The following KCNJ6 variants were observed in gnomAD, a reference collection of about 807,000 sequenced individuals.
KCNJ6 encodes G protein-activated inward rectifier potassium channel 2.
KCNJ6 carries 9 observed loss-of-function variants against 34.2 expected under a neutral mutation model. That is an observed-to-expected ratio of 0.26 (90% CI 0.16 to 0.46). The LOEUF is 0.46. Among genes scored for constraint, KCNJ6 ranks in the 20% least tolerant of loss-of-function variants. KCNJ6 has a pLI of 1.00. For missense variants in KCNJ6, 236 were observed against 531.3 expected, an observed-to-expected ratio of 0.44 and a Z score of 5.46; for synonymous variants, 196 against 207.1, an observed-to-expected ratio of 0.95 and a Z score of 0.46.
intron 2 of KCNJ6, among the ~76,000 whole-genome samples, chr21:37,815,409 G>A (rs552448432): frequency 7.2e-5 from 11 of 152,230 alleles, no homozygotes; most frequent in East Asian, 5.8e-4. Context: ...ATGTACCCAC[G>A]AAAATTAAAA....
intron 2 of KCNJ6, among the ~76,000 whole-genome samples, chr21:37,773,510 C>A (rs1171125028): frequency 1.3e-5 from 2 of 152,134 alleles, no homozygotes; most frequent in Non-Finnish European, 2.9e-5. Flanking sequence ...CCCTCCCCTT[C>A]ACCTCCCCCT....
chr21:37,669,990 A>C (rs1035287468), intron 3 of KCNJ6, among the ~76,000 whole-genome samples: 2 of 152,200 alleles, frequency 1.3e-5, no homozygotes, highest in African/African-American at 4.8e-5. Context: ...AAAGAGTCTT[A>C]CAGCTTTTGC....
chr21:37,869,706 G>T (rs1271375496), intron 1 of KCNJ6, among the ~76,000 whole-genome samples: 6 of 152,196 alleles, frequency 3.9e-5, no homozygotes, highest in Non-Finnish European at 8.8e-5. Context: ...ATCCTTGAAT[G>T]ATTTAATTCC....
Position 37,611,491 on chromosome 21 carries a change from C to G in KCNJ6, c.*13668G>C, listed in dbSNP as rs566312910. Reference sequence around the variant, plus strand: ...CAGAGAGAACACTTGCTAACTCATTCTATGAATCCAGCATCACCTTAATAC... The same window carrying G: ...CAGAGAGAACACTTGCTAACTCATTGTATGAATCCAGCATCACCTTAATAC... On this transcript the variant is annotated 3_prime_UTR_variant, in exon 4 of 4. Coordinates refer to ENST00000609713, the MANE Select transcript of KCNJ6 (RefSeq NM_002240.5). 6.6e-6 allele frequency: 1 copy of G among 152,180 alleles called. No individual in the cohort carries two copies. The highest frequency in any genetic ancestry group is 1.5e-5 in the Non-Finnish European group (1 of 68,028). 9.4% of individuals were successfully genotyped at this position (152,180 alleles called of 1,614,324 possible). A position where few individuals can be genotyped will look rare whatever the true frequency, so the allele number is the denominator to read the frequency against.
At chr21:37,803,957 C>T (rs910217559) in intron 2 of KCNJ6, among the ~76,000 whole-genome samples, 1 of 152,106 alleles carries the variant, frequency 6.6e-6, no homozygotes, top group African/African-American at 2.4e-5. Context: ...TCGCTTCTAT[C>T]CAAGTCTCCC....
At chr21:37,865,197 G>A (rs562060723) in intron 1 of KCNJ6, among the ~76,000 whole-genome samples, 1 of 152,304 alleles carries the variant, frequency 6.6e-6, no homozygotes, top group South Asian at 2.1e-4. Flanking sequence ...ATTCAGATAT[G>A]CTGGGAATAA....
At chr21:37,791,857 TA>T (rs1243377088) in intron 2 of KCNJ6, among the ~76,000 whole-genome samples, 1 of 152,256 alleles carries the variant, frequency 6.6e-6, no homozygotes, top group Non-Finnish European at 1.5e-5. Flanking sequence ...TGCATTCATA[TA>T]ATTTGTAAAG....
At chr21:37,704,517 C>G (rs997926365) in intron 3 of KCNJ6, among the ~76,000 whole-genome samples, 8 of 152,292 alleles carry the variant, frequency 5.3e-5, no homozygotes, top group African/African-American at 1.4e-4. Flanking sequence ...ACTCATCAAG[C>G]CCTCCATTAT....
chr21:37,880,169 C>T (rs1448544377), intron 1 of KCNJ6, among the ~76,000 whole-genome samples: 4 of 151,838 alleles, frequency 2.6e-5, no homozygotes, highest in African/African-American at 4.8e-5. Flanking sequence ...CCCAGTTACT[C>T]GGGAGACTGA....
At chr21:37,649,985 C>A (rs984619536) in intron 3 of KCNJ6, among the ~76,000 whole-genome samples, 1 of 151,326 alleles carries the variant, frequency 6.6e-6, no homozygotes, top group Non-Finnish European at 1.5e-5. Flanking sequence ...GGATGGTCTC[C>A]ATCTCCTGAC....
chr21:37,661,075 C>A (rs1322572398), intron 3 of KCNJ6, among the ~76,000 whole-genome samples: 2 of 152,124 alleles, frequency 1.3e-5, no homozygotes, highest in African/African-American at 4.8e-5. Context: ...TTGCAAGGGT[C>A]TATTGAAATT....
chr21:37,780,793 C>T (rs534500490), intron 2 of KCNJ6, among the ~76,000 whole-genome samples: 16 of 152,084 alleles, frequency 1.1e-4, no homozygotes, highest in Admixed American at 5.2e-4. Flanking sequence ...TTGCATGATG[C>T]GATTATTATG....
intron 3 of KCNJ6, among the ~76,000 whole-genome samples, chr21:37,668,595 A>G (rs2054527776): frequency 6.6e-6 from 1 of 152,134 alleles, no homozygotes; most frequent in African/African-American, 2.4e-5. Context: ...ACATAGGCAG[A>G]TTGGGAGATA....
Position 37,625,105 on chromosome 21 carries a change from G to A in KCNJ6, c.*54C>T. On this transcript the variant is annotated 3_prime_UTR_variant, in exon 4 of 4. Coordinates refer to ENST00000609713, the MANE Select transcript of KCNJ6 (RefSeq NM_002240.5). ...AGACAGAAAAAGAAAGAGAATGAGA[G>A]ACAAGGAAAGATTGTGTTGGGGGGA... 1 of 1,223,460 alleles carries A rather than the reference G, an allele frequency of 8.2e-7. No individual in the cohort carries two copies. The highest frequency in any genetic ancestry group is 1.2e-6 in the Non-Finnish European group (1 of 850,640). 75.8% of individuals were successfully genotyped at this position (1,223,460 alleles called of 1,614,324 possible).
chr21:37,659,544 G>A (rs2054478855), intron 3 of KCNJ6, among the ~76,000 whole-genome samples: 1 of 152,246 alleles, frequency 6.6e-6, no homozygotes, highest in South Asian at 2.1e-4. Flanking sequence ...ACTAAAAGAG[G>A]GAAGGGCAGA....
chr21:37,720,322 A>G (rs1459453495), intron 2 of KCNJ6, among the ~76,000 whole-genome samples: 1 of 152,230 alleles, frequency 6.6e-6, no homozygotes, highest in East Asian at 1.9e-4. Context: ...GACAATTTAG[A>G]AACTGAGACA....
At position 37,624,079 on chromosome 21, in the gene KCNJ6, A is replaced by G. The variant is rs944749178; in HGVS notation, c.*1080T>C. The G allele has an allele frequency of 2.6e-5, 4 of 152,236 alleles. No homozygotes were observed. The highest frequency in any genetic ancestry group is 9.6e-5 in the African/African-American group (4 of 41,456). 9.4% of individuals were successfully genotyped at this position (152,236 alleles called of 1,614,324 possible). A position where few individuals can be genotyped will look rare whatever the true frequency, so the allele number is the denominator to read the frequency against. ...AAGTTTCCTAAATTATTGTACTACA[A>G]AGGGCAAGAGCTCATGTGAAAAGTA... On this transcript the variant is annotated 3_prime_UTR_variant, in exon 4 of 4. Coordinates refer to ENST00000609713, the MANE Select transcript of KCNJ6 (RefSeq NM_002240.5).
chr21:37,679,059 A>C (rs2054579514), intron 3 of KCNJ6, among the ~76,000 whole-genome samples: 1 of 152,204 alleles, frequency 6.6e-6, no homozygotes, highest in Admixed American at 6.5e-5. Flanking sequence ...GGGGAAAATT[A>C]GCTATCATGT....
chr21:37,703,526 A>G (rs768690767), intron 3 of KCNJ6, among the ~76,000 whole-genome samples: 3 of 152,220 alleles, frequency 2.0e-5, no homozygotes, highest in Non-Finnish European at 2.9e-5. Flanking sequence ...GGTGGGTTGG[A>G]AGATAAAAAG....
Sources: allele counts gnomAD v4.1 joint callset (sites outside exome capture counted in the v4.1 genomes callset), GRCh38; gene constraint gnomAD v4.1.1; transcripts MANE v1.5; gene names NCBI Gene and HGNC (gene_info 2026-07-23, HGNC 2026-07-21).